Variants in ADAM23 observed in about 807,000 individuals in gnomAD.
The protein encoded by ADAM23 is ADAM metallopeptidase domain 23.
A neutral mutation model predicts 120.1 loss-of-function variants in ADAM23; 33 were observed. The observed-to-expected ratio is 0.27, with a 90% confidence interval of 0.21 to 0.37. ADAM23 has a LOEUF of 0.37. Ranked by LOEUF, ADAM23 falls within the 10% of genes least tolerant of loss-of-function variation. The pLI, the probability that ADAM23 is intolerant of heterozygous loss-of-function variation, is 1.00. For synonymous variants in ADAM23, 367 were observed against 375.2 expected (o/e 0.98, Z 0.25); for missense variants, 862 against 1,058.2 (o/e 0.81, Z 2.57).
chr2:206,443,759 C>A lies in ADAM23; in HGVS notation c.-108C>A. On this transcript the variant is annotated 5_prime_UTR_variant, in exon 1 of 26. Transcript: ENST00000264377. ...CGAGCCCGGAGCCCCCTGCCCGCCG[C>A]GGCACCATGCGCGCCGAGCCGGCGT... 1.9e-6 allele frequency: 1 copy of A among 517,182 alleles called. No homozygotes were observed. The highest frequency in any genetic ancestry group is 2.5e-6 in the Non-Finnish European group (1 of 402,490). The allele number at this position is 517,182 out of a possible 1,614,324, so 32.0% of individuals were successfully genotyped here.
chr2:206,478,981 G>T (rs1695840010), intron 2 of ADAM23, among the ~76,000 whole-genome samples: 1 of 152,166 alleles, frequency 6.6e-6, no homozygotes, highest in Non-Finnish European at 1.5e-5. Flanking sequence ...GCTGACAGTT[G>T]TACCTGCCCC....
At chr2:206,572,173 C>G (rs770886710) in intron 17 of ADAM23, among the ~76,000 whole-genome samples, 51 of 152,236 alleles carry the variant, frequency 3.4e-4, no homozygotes, top group South Asian at 2.1e-4. Flanking sequence ...CATTTTTCTT[C>G]AAAACTTACC....
intron 2 of ADAM23, among the ~76,000 whole-genome samples, chr2:206,462,244 G>A (rs919216566): frequency 1.3e-5 from 2 of 152,058 alleles, no homozygotes; most frequent in East Asian, 1.9e-4. Context: ...AAAATTGGTG[G>A]TTACTCTGGT....
intron 2 of ADAM23, among the ~76,000 whole-genome samples, chr2:206,461,399 C>G (rs935403573): frequency 5.3e-5 from 8 of 152,064 alleles, no homozygotes; most frequent in Non-Finnish European, 1.2e-4. Flanking sequence ...CATATTTTAT[C>G]TCATAAGTTT....
intron 25 of ADAM23, among the ~76,000 whole-genome samples, chr2:206,614,345 A>G (rs932230276): frequency 2.0e-5 from 3 of 152,200 alleles, no homozygotes; most frequent in South Asian, 2.1e-4. Context: ...AAAAAGAGCT[A>G]TATCTAGACT....
At chr2:206,585,399 C>G (rs1436689829) in intron 18 of ADAM23, among the ~76,000 whole-genome samples, 1 of 152,184 alleles carries the variant, frequency 6.6e-6, no homozygotes, top group Non-Finnish European at 1.5e-5. Context: ...CTGCTGATCC[C>G]TTGAATACTC....
intron 2 of ADAM23, among the ~76,000 whole-genome samples, chr2:206,452,144 G>A (rs1055957778): frequency 2.0e-5 from 3 of 152,216 alleles, no homozygotes; most frequent in Non-Finnish European, 4.4e-5. Flanking sequence ...CTTTAGATAG[G>A]ATGACACATG....
chr2:206,470,158 A>G (rs1695624338), intron 2 of ADAM23, among the ~76,000 whole-genome samples: 1 of 152,106 alleles, frequency 6.6e-6, no homozygotes, highest in Non-Finnish European at 1.5e-5. Flanking sequence ...TTATTTGCTT[A>G]ATGAGTAAAT....
intron 2 of ADAM23, among the ~76,000 whole-genome samples, chr2:206,460,380 C>T (rs1695391233): frequency 6.6e-6 from 1 of 152,198 alleles, no homozygotes; most frequent in Non-Finnish European, 1.5e-5. Context: ...TCCTTACCAG[C>T]ACTGGTTATT....
At chr2:206,586,354 G>A (rs1016910547) in intron 18 of ADAM23, among the ~76,000 whole-genome samples, 39 of 152,160 alleles carry the variant, frequency 2.6e-4, no homozygotes, top group Non-Finnish European at 5.6e-4. Context: ...AGGTGGTGGT[G>A]GCTTGGACAG....
intron 2 of ADAM23, among the ~76,000 whole-genome samples, chr2:206,450,771 T>G (rs918577233): frequency 1.3e-5 from 2 of 152,248 alleles, no homozygotes; most frequent in African/African-American, 4.8e-5. Context: ...AAGATGTGTC[T>G]TTCTACTCAA....
At chr2:206,550,477 T>C (rs1456955586) in intron 9 of ADAM23, among the ~76,000 whole-genome samples, 2 of 152,214 alleles carry the variant, frequency 1.3e-5, no homozygotes, top group Non-Finnish European at 2.9e-5. Flanking sequence ...TTCCGTGCTT[T>C]TGTCCTGCTA....
intron 2 of ADAM23, among the ~76,000 whole-genome samples, chr2:206,473,377 G>A (rs994338590): frequency 1.3e-5 from 2 of 151,910 alleles, no homozygotes; most frequent in African/African-American, 4.8e-5. Context: ...ATTCAAATGC[G>A]CTTGTTGCCC....
chr2:206,594,638 A>G, intron 22 of ADAM23, 99 bp from the exon 23 acceptor site: 1 of 1,367,712 alleles, frequency 7.3e-7, no homozygotes, highest in South Asian at 1.4e-5. Context: ...ATCCACATCC[A>G]CTGACAGCCT....
At chr2:206,467,496 C>T (rs575775716) in intron 2 of ADAM23, among the ~76,000 whole-genome samples, 1 of 152,236 alleles carries the variant, frequency 6.6e-6, no homozygotes, top group African/African-American at 2.4e-5. Flanking sequence ...GTCTCCCATC[C>T]AGGGCACACT....
chr2:206,493,433 C>T lies in ADAM23; in HGVS notation c.509+12125C>T, dbSNP rs367965722. Among the ~76,000 whole-genome samples the T allele has an allele frequency of 1.1e-4, 16 of 152,110 alleles. No homozygotes were observed. In the South Asian group the frequency reaches 1.5e-3, roughly 14 times the overall value. On this transcript the variant is annotated intron_variant, in intron 3 of 25. Transcript: ENST00000264377. ...TGTCACCCAGGCTGGAGTGCAGTGG[C>T]GCGATCTCGGCTCACTGCAACCTCT...
intron 2 of ADAM23, among the ~76,000 whole-genome samples, chr2:206,474,562 T>A (rs370616097): frequency 2.0e-5 from 3 of 152,078 alleles, no homozygotes; most frequent in Non-Finnish European, 4.4e-5. Context: ...CTGAGCTACA[T>A]TGGTCACATT....
intron 3 of ADAM23, among the ~76,000 whole-genome samples, chr2:206,484,214 G>A (rs1234303550): frequency 6.6e-6 from 1 of 152,040 alleles, no homozygotes; most frequent in East Asian, 1.9e-4. Flanking sequence ...GTGAGGGGAT[G>A]GAGTTGAAGA....
chr2:206,563,612 G>GGGA (rs1697815041), intron 13 of ADAM23, among the ~76,000 whole-genome samples: 1 of 152,202 alleles, frequency 6.6e-6, no homozygotes, highest in South Asian at 2.1e-4. Flanking sequence ...TCTTGAATCT[G>GGGA]GGAGGAGGCC....
Sources: gnomAD v4.1 joint callset for allele counts (sites outside exome capture counted in the v4.1 genomes callset) on GRCh38, gnomAD v4.1.1 for gene constraint, MANE v1.5 for transcripts, NCBI Gene and HGNC (gene_info 2026-07-23, HGNC 2026-07-21) for gene names.